Variants in GUCY2D observed in about 807,000 individuals in gnomAD.
The protein encoded by GUCY2D is guanylate cyclase 2D, retinal.
GUCY2D carries 70 observed loss-of-function variants against 101.3 expected under a neutral mutation model. That is an observed-to-expected ratio of 0.69 (90% confidence interval 0.57 to 0.84). The LOEUF is 0.84. Ranked by LOEUF, GUCY2D falls within the 40% of genes least tolerant of loss-of-function variation. The probability of loss-of-function intolerance (pLI) is 0.00; values close to 1 mark genes in which losing one functional copy is unlikely to be tolerated. For synonymous variants in GUCY2D, 688 were observed against 670.7 expected (o/e 1.03, Z -0.40); for missense variants, 1,460 against 1,542.5 (o/e 0.95, Z 0.90).
At chr17:8,019,515 T>A (rs774903867) in intron 19 of GUCY2D, among the ~76,000 whole-genome samples, 32 of 152,268 alleles carry the variant, frequency 2.1e-4, no homozygotes, top group South Asian at 6.2e-4. Flanking sequence ...CCAGATGTGA[T>A]AGAAGAGCCC....
chr17:8,016,061 G>T (rs1161403547), intron 17 of GUCY2D, 40 bp downstream of exon 17: 1 of 1,526,818 alleles, frequency 6.5e-7, no homozygotes, highest in Non-Finnish European at 9.0e-7. Flanking sequence ...GCCCCGCCCT[G>T]TCCTGAGGCA....
rs1237712090 is a variant in GUCY2D, at chr17:8,014,960, C to T, written c.2678C>T (p.Ser893Phe). 2 of 1,613,970 alleles carry T rather than the reference C, an allele frequency of 1.2e-6. No homozygotes were observed. The highest frequency in any genetic ancestry group is 3.3e-5 in the Admixed American group (2 of 60,020). ...GACATTGTGGGCTTCACCACCATCT[C>T]TGCCATGAGTGAGCCCATTGAGGTT... is the stretch of plus-strand genomic sequence containing the variant. ...FSDIVGFTTI[S>F]AMSEPIEVVD... The change falls in exon 14 of 20, where the codon TCT (serine) becomes TTT (phenylalanine). Residue 893 changes from serine (S) to phenylalanine (F), a missense_variant. Around this residue, in one of 3 missense-constraint regions of GUCY2D, gnomAD observed 49 missense variants for 85.0 expected, o/e 0.58. Transcript: ENST00000254854. This position sits in a 1 kb window ranked among gnomAD's most constrained non-coding sequence, Gnocchi z 4.0.
At position 8,013,232 on chromosome 17, in the gene GUCY2D, T is replaced by C; in HGVS notation, c.2243T>C (p.Met748Thr). The C allele has an allele frequency of 6.2e-7, 1 of 1,614,102 alleles. No individual in the cohort carries two copies. The highest frequency in any genetic ancestry group is 1.3e-5 in the African/African-American group (1 of 75,034). Reference protein sequence around the residue: ...EVVCRSAPYAMLELTPEEVVQ... With the variant: ...EVVCRSAPYATLELTPEEVVQ... ...GTGTGCCGCAGTGCCCCTTATGCCA[T>C]GCTGGAGCTCACTCCCGAGGGTAAG... Residue 748 changes from methionine (M) to threonine (T), a missense_variant, in exon 11 of 20, where the codon ATG becomes ACG. This residue lies in a region of GUCY2D where 1,196 missense variants were observed against 1,229.6 expected (regional missense o/e 0.97). Coordinates refer to ENST00000254854, the MANE Select transcript of GUCY2D (RefSeq NM_000180.4). This position sits in a 1 kb window ranked among gnomAD's most constrained non-coding sequence, Gnocchi z 5.0.
chr17:8,006,965 C>G (rs1975755842), intron 4 of GUCY2D, 95 bp from the exon 5 acceptor site: 11 of 1,063,344 alleles, frequency 1.0e-5, no homozygotes. Context: ...CCCCATCCCC[C>G]TTTCCTGGAG....
In GUCY2D at chr17:8,011,424, T is replaced by C. The variant is rs1975849330; in HGVS notation, c.1750-720T>C. 1.3e-5 allele frequency among the ~76,000 whole-genome samples: 2 copies of C among 151,876 alleles called. No homozygotes were observed. Among genetic ancestry groups the C allele is most frequent in the African/African-American group, 4.8e-5 (2 of 41,352 alleles). ...AAGAAAAGAAAGAAAGTGGCACCGC[T>C]CCTCCCTGGCTCTCCCAGCAAAGGC... On this transcript the variant is annotated intron_variant, in intron 8 of 19. Coordinates refer to ENST00000254854, the MANE Select transcript of GUCY2D (RefSeq NM_000180.4). This position sits in a 1 kb window ranked among gnomAD's most constrained non-coding sequence, Gnocchi z 4.3.
At chr17:8,007,383 G>A (rs201119605) in intron 5 of GUCY2D, 43 bp from the exon 6 acceptor site, 42 of 1,332,982 alleles carry the variant, frequency 3.2e-5, no homozygotes, top group Admixed American at 2.7e-4. Flanking sequence ...CTCTTCTGAC[G>A]GAACTTGGTG....
intron 17 of GUCY2D, 42 bp downstream of exon 17, chr17:8,016,063 C>G: frequency 6.6e-7 from 1 of 1,517,684 alleles, no homozygotes; most frequent in African/African-American, 1.4e-5. Context: ...CCCGCCCTGT[C>G]CTGAGGCACC....
chr17:8,009,254 G>T (rs192859514), intron 7 of GUCY2D, among the ~76,000 whole-genome samples: 1 of 152,320 alleles, frequency 6.6e-6, no homozygotes, highest in East Asian at 1.9e-4. Flanking sequence ...TAGGACTATT[G>T]GTGGGCACAG....
intron 2 of GUCY2D, 24 bp from the exon 3 acceptor site, chr17:8,003,828 C>A: frequency 1.2e-6 from 2 of 1,606,854 alleles, no homozygotes; most frequent in Non-Finnish European, 1.7e-6. Flanking sequence ...CGGACGGCGC[C>A]GCGAGCCAAG....
Position 8,002,825 on chromosome 17 carries a change from G to A in GUCY2D, c.-10+91G>A. The A allele has an allele frequency of 1.9e-6, 1 of 527,568 alleles. No homozygotes were observed. The allele number at this position is 527,568 out of a possible 1,614,324, so 32.7% of individuals were successfully genotyped here. A position where few individuals can be genotyped will look rare whatever the true frequency, so the allele number is the denominator to read the frequency against. On this transcript the variant is annotated intron_variant, in intron 1 of 19. Transcript: ENST00000254854. The surrounding 1 kb of genome is among the most constrained non-coding windows in gnomAD (Gnocchi z 4.9). The stretch of plus-strand genomic sequence containing the variant: ...CCCCTGACGCCTCCGACGGGGGGAG[G>A]GGCAGGCCGGGTGGGAGCGGGAAGC...
chr17:8,009,585 A>T lies in GUCY2D; in HGVS notation c.1748A>T (p.Lys583Met). Residue 583 changes from lysine (K) to methionine (M), a missense_variant and splice_region_variant, in exon 8 of 20, where the codon AAG (lysine) becomes ATG (methionine). Transcript: ENST00000254854. ...CCAGCAACCAAGACGGCCTTCTCCA[A>T]GGTGAGACTTGGGCCTGTGATGGGG... ...IRPATKTAFS[K>M]LQELRHENVA... 6.2e-7 allele frequency: 1 copy of T among 1,608,280 alleles called. No homozygotes were observed. Among genetic ancestry groups the T allele is most frequent in the Non-Finnish European group, 8.5e-7 (1 of 1,174,670 alleles).
intron 3 of GUCY2D, among the ~76,000 whole-genome samples, chr17:8,005,976 G>A (rs2151800240): frequency 6.6e-6 from 1 of 152,276 alleles, no homozygotes. Flanking sequence ...TTAGGTGAAT[G>A]GTAGGTGATG....
intron 4 of GUCY2D, 135 bp from the exon 5 acceptor site, chr17:8,006,925 C>T (rs1975755413): frequency 1.2e-6 from 1 of 838,076 alleles, no homozygotes; most frequent in East Asian, 2.6e-5. Context: ...CTTTGAGGAA[C>T]TATGACCTAC....
Position 8,013,548 on chromosome 17 carries a change from G to T in GUCY2D, c.2263+296G>T, listed in dbSNP as rs998741799. 8.7e-6 allele frequency: 5 copies of T among 574,696 alleles called. No homozygotes were observed. Among genetic ancestry groups the T allele is most frequent in the Non-Finnish European group, 1.6e-5 (5 of 321,050 alleles). The allele number at this position is 574,696 out of a possible 1,614,324, so 35.6% of individuals were successfully genotyped here. A position where few individuals can be genotyped will look rare whatever the true frequency, so the allele number is the denominator to read the frequency against. The stretch of plus-strand genomic sequence containing the variant: ...CTGTTCTCAGGGGTCCCTGGGAGGA[G>T]CAGGGGAGGGGGAGTGGGTGCATCC... On this transcript the variant is annotated intron_variant, in intron 11 of 19. Transcript: ENST00000254854. This position sits in a 1 kb window ranked among gnomAD's most constrained non-coding sequence, Gnocchi z 5.0.
At chr17:8,015,653 G>T (rs934967729) in intron 15 of GUCY2D, 90 bp from the exon 16 acceptor site, 11 of 1,205,736 alleles carry the variant, frequency 9.1e-6, no homozygotes, top group African/African-American at 1.5e-5. Context: ...GGCTGGTGGA[G>T]ATAATGGGTG....
intron 4 of GUCY2D, 40 bp from the exon 5 acceptor site, chr17:8,007,020 G>A: frequency 6.6e-7 from 1 of 1,517,508 alleles, no homozygotes; most frequent in African/African-American, 1.4e-5. Context: ...GCCTCCCCTG[G>A]CATCGCTCCT....
chr17:8,007,943 A>T lies in GUCY2D; in HGVS notation c.1579A>T (p.Ser527Cys). 1 of 1,610,932 alleles carries T rather than the reference A, an allele frequency of 6.2e-7. No individual in the cohort carries two copies. The highest frequency in any genetic ancestry group is 8.5e-7 in the Non-Finnish European group (1 of 1,177,170). The change falls in exon 7 of 20, where the codon AGT becomes TGT. Residue 527 changes from serine (S) to cysteine (C), a missense_variant. Physicochemically the swap from Ser to Cys is moderately radical, Grantham distance 112. This residue lies in a region of GUCY2D where 1,196 missense variants were observed against 1,229.6 expected (regional missense o/e 0.97). Transcript: ENST00000254854. ...CTCTACCTGCTAGGTGGCCCAGGGG[A>T]GTCGATCAAGTCTGGGTGCCCGCAG... ...GGTSRKVAQG[S>C]RSSLGARSMS...
At chr17:8,010,347 G>T (rs1975825791) in intron 8 of GUCY2D, among the ~76,000 whole-genome samples, 1 of 152,160 alleles carries the variant, frequency 6.6e-6, no homozygotes, top group Admixed American at 6.5e-5. Flanking sequence ...GGCTTATTCT[G>T]GTCCTTACAA....
chr17:8,015,060 T>G lies in GUCY2D; in HGVS notation c.2769+9T>G, dbSNP rs771741738. On this transcript the variant is annotated intron_variant, in intron 14 of 19. Transcript: ENST00000254854. Reference sequence around the variant, plus strand: ...CCCACGATGTCTACAAGGTGCAGTGTGTAGGGGACAAGCCCTCCTGACCTT... The same window carrying G: ...CCCACGATGTCTACAAGGTGCAGTGGGTAGGGGACAAGCCCTCCTGACCTT... 5.6e-6 allele frequency: 9 copies of G among 1,611,144 alleles called. No individual in the cohort carries two copies. The highest frequency in any genetic ancestry group is 1.3e-5 in the African/African-American group (1 of 74,992).
Sources: allele counts gnomAD v4.1 joint callset (sites outside exome capture counted in the v4.1 genomes callset), GRCh38; gene constraint gnomAD v4.1.1; regional missense constraint gnomAD v4.1.1; non-coding constraint Gnocchi (gnomAD v3.1); transcripts MANE v1.5; gene names NCBI Gene and HGNC (gene_info 2026-07-23, HGNC 2026-07-21).